Variants in CSMD3 observed in about 807,000 individuals in gnomAD.
CSMD3 encodes the protein CUB and sushi domain-containing protein 3.
A neutral mutation model predicts 435.2 loss-of-function variants in CSMD3; 177 were observed. The observed-to-expected ratio is 0.41, with a 90% confidence interval of 0.36 to 0.46. The LOEUF (loss-of-function observed/expected upper bound fraction) is 0.46, where lower values mean the gene tolerates loss of function less well. CSMD3 is among the 20% of genes least tolerant of loss of function. CSMD3 has a pLI of 0.34. For synonymous variants in CSMD3, 1,656 were observed against 1,520.5 expected (o/e 1.09, Z -2.07); for missense variants, 4,265 against 4,504.6 (o/e 0.95, Z 1.52).
At position 112,301,774 on chromosome 8, in the gene CSMD3, A is replaced by G. The variant is rs2130756293; in HGVS notation, c.8440+19T>C. ...AGGGGCAGGGGGAAGTTTGACAAAA[A>G]CAAATTAAAAATCTGTACCTAGGCA... On this transcript the variant is annotated intron_variant, in intron 53 of 70. Transcript: ENST00000297405. The G allele has an allele frequency of 4.4e-6, 7 of 1,608,656 alleles. No individual in the cohort carries two copies. Among genetic ancestry groups the G allele is most frequent in the Non-Finnish European group, 6.0e-6 (7 of 1,175,246 alleles).
At chr8:112,406,855 T>C (rs1831906585) in intron 34 of CSMD3, 128 bp from the exon 35 acceptor site, 2 of 505,806 alleles carry the variant, frequency 4.0e-6, no homozygotes, top group East Asian at 6.2e-5. Flanking sequence ...ACAATTTGAA[T>C]ACATTCTTAA....
intron 7 of CSMD3, among the ~76,000 whole-genome samples, chr8:112,955,452 T>G (rs999809744): frequency 1.1e-4 from 17 of 151,806 alleles, no homozygotes; most frequent in Non-Finnish European, 3.0e-5. Flanking sequence ...GCATACAATG[T>G]GTAATGATCA....
chr8:113,323,003 C>T (rs2093959403), intron 1 of CSMD3, among the ~76,000 whole-genome samples: 1 of 152,190 alleles, frequency 6.6e-6, no homozygotes, highest in South Asian at 2.1e-4. Context: ...CCACCTCAGC[C>T]TCCCAAAGTG....
intron 5 of CSMD3, among the ~76,000 whole-genome samples, chr8:113,060,871 C>T (rs1016133119): frequency 4.6e-5 from 7 of 152,144 alleles, no homozygotes; most frequent in African/African-American, 1.7e-4. Context: ...GAAATGTCTC[C>T]ATCTGCTATA....
At chr8:112,571,575 A>G (rs939530406) in intron 24 of CSMD3, among the ~76,000 whole-genome samples, 3 of 151,850 alleles carry the variant, frequency 2.0e-5, no homozygotes, top group South Asian at 4.2e-4. Flanking sequence ...ATTTCAGACA[A>G]GCAGAAATGC....
chr8:112,269,642 G>T (rs906903969), intron 59 of CSMD3, among the ~76,000 whole-genome samples: 2 of 152,048 alleles, frequency 1.3e-5, no homozygotes, highest in East Asian at 3.9e-4. Context: ...GAAAGCTAAG[G>T]ATCCCCTTAT....
At chr8:112,470,192 T>G (rs916133581) in intron 32 of CSMD3, among the ~76,000 whole-genome samples, 1 of 152,196 alleles carries the variant, frequency 6.6e-6, no homozygotes, top group Non-Finnish European at 1.5e-5. Context: ...ACCCAAAATA[T>G]TTGTTTTCAT....
intron 38 of CSMD3, among the ~76,000 whole-genome samples, chr8:112,370,227 A>T (rs1159245010): frequency 1.3e-5 from 2 of 152,142 alleles, no homozygotes; most frequent in Non-Finnish European, 2.9e-5. Context: ...GCAAATATTC[A>T]TTGAGGACAT....
At chr8:112,237,164 T>C (rs956197398) in intron 67 of CSMD3, 26 bp downstream of exon 67, 12 of 1,610,170 alleles carry the variant, frequency 7.5e-6, no homozygotes, top group South Asian at 1.1e-5. Flanking sequence ...TGAAGGTATA[T>C]TTCGCTGCTG....
Position 112,505,768 on chromosome 8 carries a change from C to A in CSMD3, c.4895+923G>T, listed in dbSNP as rs559693573. Among the ~76,000 whole-genome samples, 39 of 151,950 alleles carry A rather than the reference C, an allele frequency of 2.6e-4. No homozygotes were observed. In the South Asian group the frequency reaches 6.2e-3, roughly 24 times the overall value. On this transcript the variant is annotated intron_variant, in intron 29 of 70. Coordinates refer to ENST00000297405, the MANE Select transcript of CSMD3 (RefSeq NM_198123.2). ...CTTTAATAAATATTAACTCATCTTG[C>A]CAATAGTCCTGTTGTATAAGGAAGA...
intron 3 of CSMD3, among the ~76,000 whole-genome samples, chr8:113,238,074 C>CAAAAAA (rs34316809): frequency 1.3e-5 from 1 of 77,580 alleles, no homozygotes; most frequent in Non-Finnish European, 2.8e-5. Context: ...GACTCCATCT[C>CAAAAAA]AAAAAAAAAA....
chr8:113,030,308 T>C (rs1482249551), intron 5 of CSMD3, among the ~76,000 whole-genome samples: 1 of 148,876 alleles, frequency 6.7e-6, no homozygotes, highest in Admixed American at 6.7e-5. Flanking sequence ...AAAAAAGAGC[T>C]GGTTTAGCCA....
rs746870251 is a variant in CSMD3 at position 113,271,534 on chromosome 8, C to A, written c.514+7058G>T. Among the ~76,000 whole-genome samples the A allele has an allele frequency of 1.8e-4, 27 of 152,230 alleles. 1 individual carries two copies. The highest frequency in any genetic ancestry group is 4.2e-4 in the South Asian group (2 of 4,818). ...TTGGCAGCTTACACGTGATGTTGAGCCTGCGGGTGAACAGAAGCCAAGAAT... is the reference window on the plus strand; with the variant it reads ...TTGGCAGCTTACACGTGATGTTGAGACTGCGGGTGAACAGAAGCCAAGAAT... On this transcript the variant is annotated intron_variant, in intron 3 of 70. Coordinates refer to ENST00000297405, the MANE Select transcript of CSMD3 (RefSeq NM_198123.2).
At position 112,976,145 on chromosome 8, in the gene CSMD3, G is replaced by T. The variant is rs1170461362; in HGVS notation, c.1034C>A (p.Ser345Tyr). The change falls in exon 7 of 71, where the codon TCT (serine) becomes TAT (tyrosine). Residue 345 changes from serine to tyrosine, a missense_variant. Physicochemically the swap from Ser to Tyr is moderately radical, Grantham distance 144. Transcript: ENST00000297405. ...YRGFSAPYQG[S>Y]STLTHTTSTG... Reference sequence around the variant, plus strand: ...GGAGGTAGTGTGGGTCAATGTAGAAGAACCTGTGGGACACAGTAGCACTAG... The same window carrying T: ...GGAGGTAGTGTGGGTCAATGTAGAATAACCTGTGGGACACAGTAGCACTAG... 2 of 1,613,916 alleles carry T rather than the reference G, an allele frequency of 1.2e-6. No individual in the cohort carries two copies. The highest frequency in any genetic ancestry group is 1.7e-6 in the Non-Finnish European group (2 of 1,179,854).
chr8:112,752,016 C>G (rs1169997490), intron 13 of CSMD3, among the ~76,000 whole-genome samples: 2 of 152,014 alleles, frequency 1.3e-5, no homozygotes, highest in African/African-American at 4.8e-5. Flanking sequence ...TTCCATTCGC[C>G]CTTAAAACCA....
Position 112,979,213 on chromosome 8 carries a change from A to G in CSMD3, c.1031-3065T>C, listed in dbSNP as rs112685923. Among the ~76,000 whole-genome samples, 536 of 151,948 alleles carry G rather than the reference A, an allele frequency of 3.5e-3. 3 individuals are homozygous for G. The highest frequency in any genetic ancestry group is 0.012 in the African/African-American group (500 of 41,542). ...TTACTTAGAATATTCAACGTTGTGTAGAATTAAAAGGGGATATATGTCATG... is the reference window on the plus strand; with the variant it reads ...TTACTTAGAATATTCAACGTTGTGTGGAATTAAAAGGGGATATATGTCATG... On this transcript the variant is annotated intron_variant, in intron 6 of 70. Transcript: ENST00000297405.
chr8:112,288,819 C>G (rs1819483338), intron 57 of CSMD3, among the ~76,000 whole-genome samples: 1 of 151,934 alleles, frequency 6.6e-6, no homozygotes, highest in Non-Finnish European at 1.5e-5. Context: ...AAAGATAACT[C>G]TAAGCAATAT....
At chr8:112,252,506 A>T (rs1214880022) in intron 63 of CSMD3, among the ~76,000 whole-genome samples, 2 of 151,774 alleles carry the variant, frequency 1.3e-5, no homozygotes, top group Non-Finnish European at 2.9e-5. Flanking sequence ...AGCTCCAAAC[A>T]GTTTTTTTGT....
intron 1 of CSMD3, among the ~76,000 whole-genome samples, chr8:113,378,970 C>G (rs183280520): frequency 6.6e-6 from 1 of 152,214 alleles, no homozygotes; most frequent in East Asian, 1.9e-4. Context: ...AGAAAGGGAT[C>G]ATGAAGGAGC....
Sources: allele counts gnomAD v4.1 joint callset (sites outside exome capture counted in the v4.1 genomes callset), GRCh38; gene constraint gnomAD v4.1.1; transcripts MANE v1.5; gene names NCBI Gene and HGNC (gene_info 2026-07-23, HGNC 2026-07-21).